The following CNTNAP5 variants were observed in gnomAD, a reference collection of about 807,000 sequenced individuals.
CNTNAP5 encodes the protein contactin associated protein family member 5, also known as contactin-associated protein-like 5.
A neutral mutation model predicts 150.2 loss-of-function variants in CNTNAP5; 72 were observed. That is an observed-to-expected ratio of 0.48 (90% CI 0.40 to 0.58). The LOEUF is 0.58. CNTNAP5 is among the 20% of genes least tolerant of loss of function. The pLI is 0.00. For missense variants in CNTNAP5, 1,636 were observed against 1,626.2 expected (o/e 1.01, Z -0.10); for synonymous variants, 672 against 619.8 (o/e 1.08, Z -1.25).
intron 1 of CNTNAP5, among the ~76,000 whole-genome samples, chr2:124,116,499 C>T (rs917654521): frequency 6.6e-6 from 1 of 152,180 alleles, no homozygotes; most frequent in Admixed American, 6.5e-5. Context: ...TGTACTTAGT[C>T]CCCTGAGGTG....
At position 124,915,125 on chromosome 2, in the gene CNTNAP5, T is replaced by C. The variant is rs1678736908; in HGVS notation, c.*837T>C. On this transcript the variant is annotated 3_prime_UTR_variant, in exon 24 of 24. Coordinates refer to ENST00000682447, the MANE Select transcript of CNTNAP5 (RefSeq NM_001367498.1). ...TAGCTAGGTATTCCTGGGATTATTA[T>C]ACTGAGATATATATATATACACACA... The C allele has an allele frequency of 6.0e-6, 1 of 165,456 alleles. No individual in the cohort carries two copies. Among genetic ancestry groups the C allele is most frequent in the African/African-American group, 2.4e-5 (1 of 41,346 alleles). 10.2% of individuals were successfully genotyped at this position (165,456 alleles called of 1,614,324 possible). A position where few individuals can be genotyped will look rare whatever the true frequency, so the allele number is the denominator to read the frequency against.
chr2:124,608,718 G>T (rs1677306830), intron 11 of CNTNAP5, among the ~76,000 whole-genome samples: 1 of 152,124 alleles, frequency 6.6e-6, no homozygotes, highest in Admixed American at 6.5e-5. Flanking sequence ...AGGCTGAGGT[G>T]GGTGGATCAC....
intron 3 of CNTNAP5, among the ~76,000 whole-genome samples, chr2:124,343,120 C>T (rs982557116): frequency 5.3e-5 from 8 of 151,892 alleles, no homozygotes; most frequent in Non-Finnish European, 8.8e-5. Flanking sequence ...CTTAAAATGG[C>T]AATGGTTAAA....
Position 124,914,252 on chromosome 2 carries a change from C to T in CNTNAP5, c.3888C>T (p.Asn1296=). 2.5e-6 allele frequency: 4 copies of T among 1,612,224 alleles called. No homozygotes were observed. Among genetic ancestry groups the T allele is most frequent in the Non-Finnish European group, 3.4e-6 (4 of 1,178,810 alleles). The change falls in exon 24 of 24, where the codon AAC becomes AAT. Residue 1296 remains asparagine, a synonymous_variant. Transcript: ENST00000682447. ...SSFRNEIDLQ[N]TVSECKREYF... ...TCAGAAATGAAATTGACTTGCAAAA[C>T]ACAGTGAGCGAGTGTAAACGGGAAT...
chr2:124,477,284 T>C (rs1202733114), intron 7 of CNTNAP5, among the ~76,000 whole-genome samples: 2 of 152,126 alleles, frequency 1.3e-5, no homozygotes, highest in Non-Finnish European at 2.9e-5. Flanking sequence ...AATGACTTTG[T>C]GTTTGTTTTA....
chr2:124,400,676 T>TTTG (rs377709083), intron 3 of CNTNAP5, among the ~76,000 whole-genome samples: 6,465 of 101,982 alleles, frequency 0.063, 216 homozygotes, highest in Non-Finnish European at 0.11. Flanking sequence ...ATTGTTTTTT[T>TTTG]TTTTTTTTTT....
intron 12 of CNTNAP5, among the ~76,000 whole-genome samples, chr2:124,620,631 C>T (rs955698385): frequency 6.6e-6 from 1 of 151,974 alleles, no homozygotes; most frequent in Middle Eastern, 3.4e-3. Context: ...GATAAATCAT[C>T]TAACATTTCT....
chr2:124,284,107 G>A (rs1688087029), intron 3 of CNTNAP5, among the ~76,000 whole-genome samples: 2 of 152,158 alleles, frequency 1.3e-5, no homozygotes, highest in African/African-American at 4.8e-5. Flanking sequence ...AACACAGGAT[G>A]TTCTAAATGC....
intron 6 of CNTNAP5, among the ~76,000 whole-genome samples, chr2:124,473,399 T>TA (rs1693564504): frequency 6.6e-6 from 1 of 151,950 alleles, no homozygotes; most frequent in Non-Finnish European, 1.5e-5. Context: ...ATGAAATAGA[T>TA]AAAATATCAA....
intron 3 of CNTNAP5, among the ~76,000 whole-genome samples, chr2:124,255,452 A>G (rs1687284016): frequency 1.3e-5 from 2 of 151,982 alleles, no homozygotes; most frequent in Non-Finnish European, 2.9e-5. Context: ...TGAACCAGGT[A>G]GGCAGAGGCT....
intron 19 of CNTNAP5, among the ~76,000 whole-genome samples, chr2:124,853,650 C>G (rs868556383): frequency 1.3e-5 from 2 of 152,052 alleles, no homozygotes; most frequent in South Asian, 4.1e-4. Flanking sequence ...ATTACCTCCA[C>G]GCATTTTTTT....
At chr2:124,246,725 T>C (rs1458027718) in intron 3 of CNTNAP5, among the ~76,000 whole-genome samples, 1 of 152,124 alleles carries the variant, frequency 6.6e-6, no homozygotes, top group Non-Finnish European at 1.5e-5. Context: ...ATGAGCACAA[T>C]TCCCACACTG....
At chr2:124,478,346 C>T (rs1207255574) in intron 7 of CNTNAP5, among the ~76,000 whole-genome samples, 1 of 152,024 alleles carries the variant, frequency 6.6e-6, no homozygotes, top group Non-Finnish European at 1.5e-5. Flanking sequence ...CATAAAGAAT[C>T]CATTTAGCAC....
intron 13 of CNTNAP5, among the ~76,000 whole-genome samples, chr2:124,673,520 A>AT (rs775900185): frequency 1.6e-4 from 24 of 151,758 alleles, no homozygotes; most frequent in Non-Finnish European, 3.1e-4. Context: ...GGCCTCACAC[A>AT]TGAGGGTATA....
chr2:124,463,425 A>T (rs1164834224), intron 6 of CNTNAP5, among the ~76,000 whole-genome samples: 1 of 152,202 alleles, frequency 6.6e-6, no homozygotes, highest in African/African-American at 2.4e-5. Flanking sequence ...CAAAACAATA[A>T]GAAAAATGGT....
chr2:124,834,183 C>T (rs73955852), intron 19 of CNTNAP5, among the ~76,000 whole-genome samples: 1 of 152,042 alleles, frequency 6.6e-6, no homozygotes, highest in Non-Finnish European at 1.5e-5. Flanking sequence ...AACCAAGATT[C>T]GCACCAGATA....
At position 124,447,329 on chromosome 2, in the gene CNTNAP5, A is replaced by AC. The variant is rs572659984; in HGVS notation, c.918+394dup. On this transcript the variant is annotated intron_variant, in intron 6 of 23. Coordinates refer to ENST00000682447, the MANE Select transcript of CNTNAP5 (RefSeq NM_001367498.1). ...ATAAACAAAACCCATGGAATCTAAAACCTGCAGTCGAGACTACCCTTTGAC... is the reference window on the plus strand; with the variant it reads ...ATAAACAAAACCCATGGAATCTAAAACCCTGCAGTCGAGACTACCCTTTGAC... Among the ~76,000 whole-genome samples, 56 of 152,214 alleles carry AC rather than the reference A, an allele frequency of 3.7e-4. No individual in the cohort carries two copies. In the South Asian group the frequency reaches 0.012, roughly 32 times the overall value.
At chr2:124,089,852 A>T (rs577301956) in intron 1 of CNTNAP5, among the ~76,000 whole-genome samples, 7 of 152,362 alleles carry the variant, frequency 4.6e-5, no homozygotes, top group Admixed American at 4.6e-4. Context: ...CTATTATCCT[A>T]GCTGTTCTAG....
At chr2:124,160,301 C>T (rs1684644970) in intron 1 of CNTNAP5, among the ~76,000 whole-genome samples, 1 of 152,038 alleles carries the variant, frequency 6.6e-6, no homozygotes, top group Admixed American at 6.6e-5. Context: ...TCTATTTAGG[C>T]CTTCAGTGGA....
Sources: gnomAD v4.1 joint callset for allele counts (sites outside exome capture counted in the v4.1 genomes callset) on GRCh38, gnomAD v4.1.1 for gene constraint, MANE v1.5 for transcripts, NCBI Gene and HGNC (gene_info 2026-07-23, HGNC 2026-07-21) for gene names.